Variants in SBF2 observed in about 807,000 individuals in gnomAD.
SBF2 encodes the protein SET binding factor 2.
In SBF2, 112 loss-of-function variants were observed where a neutral mutation model predicts 225.2. The ratio of observed to expected loss-of-function variants is 0.50; its 90% CI spans 0.43 to 0.58. SBF2 has a LOEUF of 0.58. SBF2 is among the 20% of genes least tolerant of loss of function. The pLI is 0.00. For synonymous variants in SBF2, 763 were observed against 773.3 expected (o/e 0.99, Z 0.22); for missense variants, 1,996 against 2,206.2 (o/e 0.90, Z 1.91).
At chr11:10,276,352 G>A (rs922980358) in intron 1 of SBF2, among the ~76,000 whole-genome samples, 23 of 152,130 alleles carry the variant, frequency 1.5e-4, no homozygotes, top group Non-Finnish European at 2.2e-4. Context: ...CTCCAGAGAA[G>A]GAGGACAGAA....
intron 19 of SBF2, 116 bp from the exon 20 acceptor site, chr11:9,853,828 A>G (rs1857132404): frequency 4.1e-6 from 4 of 964,172 alleles, no homozygotes; most frequent in Non-Finnish European, 6.7e-6. Context: ...CTACTCAAGT[A>G]GAAGGCTCAC....
At chr11:10,238,027 G>A (rs1423606554) in intron 1 of SBF2, among the ~76,000 whole-genome samples, 1 of 152,102 alleles carries the variant, frequency 6.6e-6, no homozygotes, top group African/African-American at 2.4e-5. Flanking sequence ...ATGGGCATAA[G>A]GTATGAATAT....
chr11:9,968,570 T>C (rs1448237555), intron 13 of SBF2, 25 bp from the exon 14 acceptor site: 11 of 1,572,278 alleles, frequency 7.0e-6, no homozygotes, highest in Non-Finnish European at 8.8e-6. Context: ...ATAGGTAAAA[T>C]TACTCCAAGT....
chr11:10,057,613 C>A (rs1490992360), intron 2 of SBF2, among the ~76,000 whole-genome samples: 1 of 152,194 alleles, frequency 6.6e-6, no homozygotes, highest in Non-Finnish European at 1.5e-5. Context: ...CCCTTGGCCA[C>A]AACCACTACT....
intron 2 of SBF2, among the ~76,000 whole-genome samples, chr11:10,144,191 A>C (rs1954783089): frequency 6.6e-6 from 1 of 152,224 alleles, no homozygotes; most frequent in Non-Finnish European, 1.5e-5. Context: ...ATTTAGAAAT[A>C]AAAATTACAT....
At chr11:10,273,340 GT>G (rs1565423908) in intron 1 of SBF2, among the ~76,000 whole-genome samples, 1 of 151,660 alleles carries the variant, frequency 6.6e-6, no homozygotes, top group African/African-American at 2.4e-5. Flanking sequence ...TCGAATTACT[GT>G]TTTTTAAAAA....
intron 24 of SBF2, among the ~76,000 whole-genome samples, chr11:9,844,522 TA>T (rs1856402981): frequency 6.6e-6 from 1 of 152,188 alleles, no homozygotes; most frequent in South Asian, 2.1e-4. Context: ...ACTTTCAACA[TA>T]AATTTCTAAA....
At chr11:10,054,265 A>G (rs1198240958) in intron 2 of SBF2, among the ~76,000 whole-genome samples, 1 of 152,236 alleles carries the variant, frequency 6.6e-6, no homozygotes, top group Non-Finnish European at 1.5e-5. Context: ...CTGCCTAGAG[A>G]ATACATACAA....
chr11:10,286,161 C>T (rs1400413558), intron 1 of SBF2, among the ~76,000 whole-genome samples: 1 of 111,460 alleles, frequency 9.0e-6, no homozygotes, highest in Non-Finnish European at 2.1e-5. Flanking sequence ...CATAAACACG[C>T]ACACGCACAC....
chr11:10,043,914 T>C (rs771625284), intron 2 of SBF2, among the ~76,000 whole-genome samples: 20 of 152,106 alleles, frequency 1.3e-4, no homozygotes, highest in Non-Finnish European at 2.5e-4. Flanking sequence ...AGATGAAATC[T>C]CAAGAGAAAT....
chr11:10,191,886 C>G (rs1957188463), intron 2 of SBF2, among the ~76,000 whole-genome samples: 2 of 152,142 alleles, frequency 1.3e-5, no homozygotes, highest in Non-Finnish European at 2.9e-5. Context: ...TATCCTTTCT[C>G]TGTCCTAGCT....
At chr11:10,233,187 A>G (rs1182377941) in intron 1 of SBF2, among the ~76,000 whole-genome samples, 4 of 152,148 alleles carry the variant, frequency 2.6e-5, no homozygotes, top group African/African-American at 9.7e-5. Flanking sequence ...TGAAAGTTTC[A>G]TATTTATATA....
intron 1 of SBF2, among the ~76,000 whole-genome samples, chr11:10,217,609 G>A (rs750836234): frequency 5.9e-5 from 9 of 152,114 alleles, no homozygotes; most frequent in Non-Finnish European, 1.3e-4. Context: ...AATGTTCACT[G>A]CTACAAGTCA....
intron 16 of SBF2, among the ~76,000 whole-genome samples, chr11:9,914,220 T>C (rs748986198): frequency 6.6e-6 from 1 of 152,154 alleles, no homozygotes; most frequent in Non-Finnish European, 1.5e-5. Context: ...CACACAAGAA[T>C]AGACGGACAA....
intron 2 of SBF2, among the ~76,000 whole-genome samples, chr11:10,138,079 T>C (rs1329492736): frequency 2.0e-5 from 3 of 152,198 alleles, no homozygotes; most frequent in Non-Finnish European, 4.4e-5. Flanking sequence ...AATCAGTCTT[T>C]AAACATTTAA....
intron 13 of SBF2, among the ~76,000 whole-genome samples, chr11:9,985,293 C>T (rs915833660): frequency 6.6e-6 from 1 of 152,032 alleles, no homozygotes. Context: ...CAGAAGCGAG[C>T]AGGGGTAGCT....
At chr11:10,121,922 C>G (rs907818104) in intron 2 of SBF2, among the ~76,000 whole-genome samples, 1 of 152,342 alleles carries the variant, frequency 6.6e-6, no homozygotes, top group South Asian at 2.1e-4. Flanking sequence ...CCACCTGTTA[C>G]TCACTTAGTA....
chr11:9,925,772 A>G (rs1470757054), intron 16 of SBF2, among the ~76,000 whole-genome samples: 6 of 152,230 alleles, frequency 3.9e-5, no homozygotes, highest in Non-Finnish European at 8.8e-5. Flanking sequence ...TCCTAAAGTT[A>G]TAGAAAGTGT....
rs775803946 is a variant in SBF2 at position 9,853,625 on chromosome 11, C to A, written c.2451G>T (p.Arg817=). The A allele has an allele frequency of 9.9e-6, 16 of 1,613,936 alleles. No homozygotes were observed. In the Admixed American group the frequency reaches 2.3e-4, roughly 24 times the overall value. The change falls in exon 20 of 40, where the codon CGG becomes CGT. Residue 817 remains arginine (R), a synonymous_variant. Transcript: ENST00000256190. The part of the protein sequence containing the change: ...ENTDIANSVV[R]FITRFIDKVC... The stretch of plus-strand genomic sequence containing the variant: ...CTTTGTCAATAAATCGGGTAATGAA[C>A]CGCACAACAGAATTGGCAATGTCAG...
Sources: gnomAD v4.1 joint callset for allele counts (sites outside exome capture counted in the v4.1 genomes callset) on GRCh38, gnomAD v4.1.1 for gene constraint, MANE v1.5 for transcripts, NCBI Gene and HGNC (gene_info 2026-07-23, HGNC 2026-07-21) for gene names.